G3BP2: variants seen among roughly 807,000 people sequenced by gnomAD.
G3BP2 encodes ras GTPase-activating protein-binding protein 2.
Under a neutral mutation model 56.7 loss-of-function variants are expected in G3BP2, and 11 were observed. That is an observed-to-expected ratio of 0.19 (90% confidence interval 0.12 to 0.32). The LOEUF (loss-of-function observed/expected upper bound fraction) is 0.32, where lower values mean the gene tolerates loss of function less well. Ranked by LOEUF, G3BP2 falls within the 10% of genes least tolerant of loss-of-function variation. G3BP2 has a pLI of 1.00. For synonymous variants in G3BP2, 165 were observed against 191.6 expected, an observed-to-expected ratio of 0.86 and a Z score of 1.15; for missense variants, 340 against 610.9, an observed-to-expected ratio of 0.56 and a Z score of 4.67.
intron 3 of G3BP2, among the ~76,000 whole-genome samples, chr4:75,710,010 G>A (rs1017778925): frequency 2.0e-5 from 3 of 152,068 alleles, no homozygotes; most frequent in African/African-American, 7.2e-5. Flanking sequence ...CATTTAATGG[G>A]AAAAAAGAGC....
Position 75,720,796 on chromosome 4 carries a change from AAAATAAATAAATAAAT to A in G3BP2, c.-25+65_-25+80del, listed in dbSNP as rs150099549. 3.1e-3 allele frequency among the ~76,000 whole-genome samples: 415 copies of A among 132,088 alleles called. 2 individuals carry two copies. Among genetic ancestry groups the A allele is most frequent in the African/African-American group, 9.3e-3 (332 of 35,552 alleles). The allele number at this position is 132,088 out of a possible 152,430, so 86.7% of individuals were successfully genotyped here. ...GGGTGACAGAGCGAGGCTCCATCTC[AAAATAAATAAATAAAT>A]AAATAAATAAATAAATAAATAAATA... On this transcript the variant is annotated intron_variant, in intron 3 of 3. Coordinates refer to the G3BP2 transcript ENST00000499709.
At position 75,643,295 on chromosome 4, in the gene G3BP2, T is replaced by TTTTATATATATATATATATA. The variant is rs1491199523; in HGVS notation, c.*2134_*2135insTATATATATATATATATAAA. On this transcript the variant is annotated 3_prime_UTR_variant, in exon 12 of 12. Transcript: ENST00000359707. ...GCAGGGCAATATCCTGAATTGGAAA[T>TTTTATATATATATATATATA]TATATATATATATATATATATGGAA... is the stretch of plus-strand genomic sequence containing the variant. 1.0e-5 allele frequency: 1 copy of TTTTATATATATATATATATA among 99,942 alleles called. No individual in the cohort carries two copies. The highest frequency in any genetic ancestry group is 2.2e-5 in the Non-Finnish European group (1 of 46,322). 6.2% of individuals were successfully genotyped at this position (99,942 alleles called of 1,614,324 possible).
intron 3 of G3BP2, among the ~76,000 whole-genome samples, chr4:75,691,761 T>C (rs953927460): frequency 3.9e-5 from 6 of 152,150 alleles, no homozygotes; most frequent in African/African-American, 1.4e-4. Flanking sequence ...TTCTATTTAA[T>C]TGGCTGGGGT....
At chr4:75,685,116 A>G (rs1418936189) in intron 3 of G3BP2, among the ~76,000 whole-genome samples, 9 of 152,032 alleles carry the variant, frequency 5.9e-5, no homozygotes, top group Admixed American at 1.3e-4. Flanking sequence ...ACCTCCCTGT[A>G]CATTTCTTTG....
intron 3 of G3BP2, among the ~76,000 whole-genome samples, chr4:75,719,548 C>CTATA (rs1027898150): frequency 2.0e-5 from 3 of 152,020 alleles, no homozygotes; most frequent in African/African-American, 7.2e-5. Flanking sequence ...ACTCTGGGCT[C>CTATA]TATAGCATGT....
intron 8 of G3BP2, among the ~76,000 whole-genome samples, chr4:75,653,626 C>T (rs941019795): frequency 2.8e-5 from 4 of 140,886 alleles, no homozygotes; most frequent in African/African-American, 1.1e-4. Context: ...TTCTTTATTA[C>T]GCCACACTAC....
At chr4:75,663,371 G>C (rs577594113) in intron 1 of G3BP2, among the ~76,000 whole-genome samples, 27 of 115,596 alleles carry the variant, frequency 2.3e-4, no homozygotes, top group Admixed American at 7.1e-4. Context: ...AGGCTCAAGC[G>C]ATCCTCCCCG....
chr4:75,700,075 GGC>G (rs1311543222), intron 3 of G3BP2, among the ~76,000 whole-genome samples: 4 of 151,732 alleles, frequency 2.6e-5, no homozygotes, highest in African/African-American at 9.7e-5. Flanking sequence ...TTTTTTTTGA[GGC>G]AGAGTCTCGC....
intron 7 of G3BP2, chr4:75,654,835 G>A (rs986436520): frequency 2.0e-6 from 1 of 494,826 alleles, no homozygotes; most frequent in East Asian, 3.5e-5. Context: ...ACTAAACAAT[G>A]CATACAGACA....
chr4:75,717,002 C>T (rs780249093), intron 3 of G3BP2, among the ~76,000 whole-genome samples: 1 of 152,228 alleles, frequency 6.6e-6, no homozygotes, highest in Non-Finnish European at 1.5e-5. Context: ...CCACACCCAA[C>T]TACCTCTCCT....
intron 3 of G3BP2, among the ~76,000 whole-genome samples, chr4:75,696,893 T>C (rs11097070): frequency 0.88 from 133,290 of 152,196 alleles, 58,388 homozygotes; most frequent in East Asian, 0.91. Context: ...CTCGAGTAAG[T>C]AGTTAAAGAT....
intron 3 of G3BP2, among the ~76,000 whole-genome samples, chr4:75,711,482 G>A (rs982374584): frequency 1.3e-5 from 2 of 151,338 alleles, no homozygotes; most frequent in African/African-American, 4.9e-5. Flanking sequence ...GGAGGCCAAG[G>A]TGGGCGGATC....
At chr4:75,674,706 ATATATATATATATTTTTTT>A (rs1192267990), upstream of G3BP2, among the ~76,000 whole-genome samples, 1 of 43,076 alleles carries the variant, frequency 2.3e-5, no homozygotes, top group East Asian at 1.0e-3. Context: ...ATATATATAT[ATATATATATATATTTTTTT>A]TTTTTTTTTT....
At chr4:75,690,506 T>C (rs1448087655) in intron 3 of G3BP2, among the ~76,000 whole-genome samples, 2 of 152,102 alleles carry the variant, frequency 1.3e-5, no homozygotes, top group African/African-American at 4.8e-5. Context: ...GATTAGTTGT[T>C]GCTTAAGGGC....
chr4:75,662,208 C>T, intron 1 of G3BP2, 159 bp from the exon 2 acceptor site: 1 of 476,708 alleles, frequency 2.1e-6, no homozygotes. Flanking sequence ...TACCATCAGA[C>T]TAACCTGAAA....
At chr4:75,707,416 T>C (rs977887385) in intron 3 of G3BP2, among the ~76,000 whole-genome samples, 13 of 151,692 alleles carry the variant, frequency 8.6e-5, no homozygotes, top group African/African-American at 2.9e-4. Context: ...GGTCAGGAGA[T>C]CAAGGCCACG....
At position 75,721,084 on chromosome 4, in the gene G3BP2, G is replaced by A. The variant is rs796409136; in HGVS notation, c.-117-115C>T. On this transcript the variant is annotated intron_variant, in intron 2 of 3. Coordinates refer to the G3BP2 transcript ENST00000499709. Reference sequence around the variant, plus strand: ...CTCTTGAACCCAGGAGTTCCAGGATGTATGTGCCACCACGCCGAGCTAATT... The same window carrying A: ...CTCTTGAACCCAGGAGTTCCAGGATATATGTGCCACCACGCCGAGCTAATT... 4.6e-5 allele frequency among the ~76,000 whole-genome samples: 7 copies of A among 151,788 alleles called. 1 individual carries two copies. Among genetic ancestry groups the A allele is most frequent in the South Asian group, 2.1e-4 (1 of 4,818 alleles).
At chr4:75,680,045 G>A (rs1380338508) in intron 3 of G3BP2, among the ~76,000 whole-genome samples, 1 of 152,134 alleles carries the variant, frequency 6.6e-6, no homozygotes, top group African/African-American at 2.4e-5. Flanking sequence ...TGGGCTGCAG[G>A]GTGTGTTTAA....
At chr4:75,668,122 CATTGAG>C (rs1733199864) in intron 1 of G3BP2, among the ~76,000 whole-genome samples, 1 of 152,078 alleles carries the variant, frequency 6.6e-6, no homozygotes, top group African/African-American at 2.4e-5. Flanking sequence ...TAATTATACA[CATTGAG>C]AGAGAGTGGA....
Sources: allele counts gnomAD v4.1 joint callset (sites outside exome capture counted in the v4.1 genomes callset), GRCh38; gene constraint gnomAD v4.1.1; transcripts MANE v1.5; gene names NCBI Gene and HGNC (gene_info 2026-07-23, HGNC 2026-07-21).